Variants in PHF24 observed in about 807,000 individuals in gnomAD.
PHF24 encodes PHD finger protein 24.
A neutral mutation model predicts 42.6 loss-of-function variants in PHF24; 25 were observed. The observed-to-expected ratio is 0.59, with a 90% CI of 0.43 to 0.82. PHF24 has a LOEUF of 0.82. PHF24 is among the 40% of genes least tolerant of loss of function. PHF24 has a pLI of 0.00. For missense variants in PHF24, 470 were observed against 538.1 expected (o/e 0.87, Z 1.25); for synonymous variants, 185 against 204.8 (o/e 0.90, Z 0.83).
chr9:34,921,005 C>G, the PHF24 span, among the ~76,000 whole-genome samples: 1 of 152,172 alleles, frequency 6.6e-6, no homozygotes, highest in Non-Finnish European at 1.5e-5. Context: ...TCTGATTGCT[C>G]TAGCTAGGAA....
At chr9:34,764,029 T>G in the PHF24 span, among the ~76,000 whole-genome samples, 1 of 152,144 alleles carries the variant, frequency 6.6e-6, no homozygotes, top group African/African-American at 2.4e-5. Context: ...GAACTAGCCT[T>G]GCATCCCAGG....
chr9:34,893,038 G>A, the PHF24 span: 1 of 944,960 alleles, frequency 1.1e-6, no homozygotes. Flanking sequence ...AGATCTGGTT[G>A]TTCTCACCTG....
the PHF24 span, among the ~76,000 whole-genome samples, chr9:34,819,409 G>A: frequency 3.9e-3 from 589 of 151,888 alleles, 5 homozygotes; most frequent in African/African-American, 0.013. Flanking sequence ...GGTATTTATT[G>A]CTATAAATTT....
the PHF24 span, among the ~76,000 whole-genome samples, chr9:34,881,401 A>G: frequency 6.6e-6 from 1 of 152,100 alleles, no homozygotes; most frequent in South Asian, 2.1e-4. Context: ...AAACCCTTCA[A>G]AAAAATCAAT....
the PHF24 span, chr9:34,833,944 C>T: frequency 1.4e-5 from 22 of 1,542,518 alleles, no homozygotes; most frequent in Middle Eastern, 1.7e-4. Flanking sequence ...CAGGCAGCCC[C>T]GACAGGAAGG....
chr9:34,744,724 G>T, the PHF24 span, among the ~76,000 whole-genome samples: 5 of 152,208 alleles, frequency 3.3e-5, no homozygotes, highest in Non-Finnish European at 7.3e-5. Flanking sequence ...CTGGGCACTT[G>T]AATATCATTT....
At chr9:34,924,796 AC>A in the PHF24 span, among the ~76,000 whole-genome samples, 1 of 152,240 alleles carries the variant, frequency 6.6e-6, no homozygotes, top group Middle Eastern at 3.4e-3. Flanking sequence ...ATAAGTAAGG[AC>A]TGCTGCCATT....
the PHF24 span, chr9:34,724,350 G>A: frequency 1.3e-6 from 2 of 1,551,202 alleles, no homozygotes; most frequent in South Asian, 2.4e-5. Flanking sequence ...TTGGCCAGCT[G>A]TTCTTTAAGG....
the PHF24 span, among the ~76,000 whole-genome samples, chr9:34,747,946 C>A: frequency 1.2e-3 from 179 of 152,204 alleles, no homozygotes; most frequent in African/African-American, 4.2e-3. Flanking sequence ...GTGACATATT[C>A]ATATAATGAA....
chr9:34,829,056 A>T, the PHF24 span, among the ~76,000 whole-genome samples: 3 of 152,220 alleles, frequency 2.0e-5, no homozygotes, highest in South Asian at 6.2e-4. Context: ...GGACGTTATG[A>T]TGCTACTGCA....
chr9:34,923,768 A>G, the PHF24 span, among the ~76,000 whole-genome samples: 1 of 151,538 alleles, frequency 6.6e-6, no homozygotes, highest in South Asian at 2.1e-4. Context: ...TAAAAAAACA[A>G]TTTTTCATTT....
the PHF24 span, among the ~76,000 whole-genome samples, chr9:34,712,071 A>T: frequency 2.0e-5 from 3 of 151,570 alleles, no homozygotes; most frequent in Admixed American, 2.0e-4. Flanking sequence ...CTTGCAGCAT[A>T]GTTTTGCTGG....
chr9:34,840,042 T>G, the PHF24 span, among the ~76,000 whole-genome samples: 5 of 152,182 alleles, frequency 3.3e-5, no homozygotes, highest in Non-Finnish European at 5.9e-5. Context: ...ATGCAGTCTA[T>G]CTTTAGCAGA....
chr9:34,671,124 G>A, the PHF24 span, among the ~76,000 whole-genome samples: 1 of 152,220 alleles, frequency 6.6e-6, no homozygotes, highest in African/African-American at 2.4e-5. Flanking sequence ...AGCTGAGTTA[G>A]AATAGCTGGA....
At chr9:34,948,618 T>G in the PHF24 span, among the ~76,000 whole-genome samples, 45 of 152,220 alleles carry the variant, frequency 3.0e-4, no homozygotes, top group Non-Finnish European at 5.0e-4. Context: ...CTAGGAGGAA[T>G]AGACTATGAC....
chr9:34,913,906 G>A, the PHF24 span, among the ~76,000 whole-genome samples: 1,560 of 152,272 alleles, frequency 0.01, 38 homozygotes, highest in East Asian at 0.081. Context: ...GTGGGAGAAG[G>A]AGTGTTAAAA....
the PHF24 span, among the ~76,000 whole-genome samples, chr9:34,817,779 A>C: frequency 6.6e-6 from 1 of 152,186 alleles, no homozygotes; most frequent in Admixed American, 6.5e-5. Flanking sequence ...AATTTTGTGT[A>C]TGGAACAAGA....
At chr9:34,901,400 C>G in the PHF24 span, among the ~76,000 whole-genome samples, 3 of 152,156 alleles carry the variant, frequency 2.0e-5, no homozygotes, top group African/African-American at 7.2e-5. Flanking sequence ...AGAGGGCAAA[C>G]AAACATGATA....
At chr9:34,959,867 C>T (rs1183057220) in intron 1 of PHF24, among the ~76,000 whole-genome samples, 3 of 151,122 alleles carry the variant, frequency 2.0e-5, no homozygotes, top group South Asian at 2.1e-4. Flanking sequence ...GAGACAGGAT[C>T]ACTTTTAGGA....
Sources: gnomAD v4.1 joint callset for allele counts (sites outside exome capture counted in the v4.1 genomes callset) on GRCh38, gnomAD v4.1.1 for gene constraint, MANE v1.5 for transcripts, NCBI Gene and HGNC (gene_info 2026-07-23, HGNC 2026-07-21) for gene names.